POT1: variants seen among roughly 807,000 people sequenced by gnomAD.
The protein encoded by POT1 is protection of telomeres 1, also known as protection of telomeres protein 1.
In POT1, 47 loss-of-function variants were observed where a neutral mutation model predicts 78.5. The ratio of observed to expected loss-of-function variants is 0.60; its 90% CI spans 0.47 to 0.76. POT1 has a LOEUF of 0.76. POT1 is among the 30% of genes least tolerant of loss of function. POT1 has a pLI of 0.00. For missense variants in POT1, 646 were observed against 749.9 expected (o/e 0.86, Z 1.62); for synonymous variants, 259 against 260.7 (o/e 0.99, Z 0.06).
At chr7:124,829,385 TTTAGC>T in intron 15 of POT1, 43 bp from the exon 16 acceptor site, 1 of 1,282,872 alleles carries the variant, frequency 7.8e-7, no homozygotes. Flanking sequence ...TTAAAAATAA[TTTAGC>T]TTGTTTGTTA....
At chr7:124,846,609 C>T (rs1795174166) in intron 12 of POT1, among the ~76,000 whole-genome samples, 1 of 147,264 alleles carries the variant, frequency 6.8e-6, no homozygotes, top group African/African-American at 2.5e-5. Flanking sequence ...AGATATGTGT[C>T]TTTACATTGC....
chr7:124,883,772 A>G lies in POT1; in HGVS notation c.124+8494T>C, dbSNP rs138040182. 5.0e-3 allele frequency among the ~76,000 whole-genome samples: 760 copies of G among 152,020 alleles called. 8 individuals are homozygous for G. The highest frequency in any genetic ancestry group is 0.017 in the African/African-American group (697 of 41,492). ...TGTCATCACATGTGTATGACTGCAA[A>G]AGGCTTTTTTGTTTTAAAATGCCAA... On this transcript the variant is annotated intron_variant, in intron 6 of 18. Coordinates refer to ENST00000357628, the MANE Select transcript of POT1 (RefSeq NM_015450.3).
intron 3 of POT1, chr7:124,900,921 G>A: frequency 3.9e-6 from 1 of 257,356 alleles, no homozygotes; most frequent in Non-Finnish European, 8.7e-6. Context: ...GTCCCAGATT[G>A]AACTGTGAGG....
intron 14 of POT1, among the ~76,000 whole-genome samples, chr7:124,839,624 C>T (rs10257255): frequency 0.38 from 57,882 of 152,002 alleles, 11,348 homozygotes; most frequent in East Asian, 0.5. Flanking sequence ...ATAAAAATAG[C>T]TCACATTTCT....
rs141172365 is a variant in POT1 at position 124,871,548 on chromosome 7, T to C, written c.125-507A>G. The stretch of plus-strand genomic sequence containing the variant: ...AAACAATACATAGAAAACTATGTCA[T>C]AACAAAAACTCAAAAGAGAAAATGG... On this transcript the variant is annotated intron_variant, in intron 6 of 18. Transcript: ENST00000357628. Among the ~76,000 whole-genome samples the C allele has an allele frequency of 4.0e-3, 608 of 152,142 alleles. 6 individuals carry two copies. The highest frequency in any genetic ancestry group is 0.012 in the African/African-American group (508 of 41,554).
intron 3 of POT1, among the ~76,000 whole-genome samples, chr7:124,909,677 G>A (rs186503974): frequency 1.5e-3 from 226 of 151,966 alleles, no homozygotes; most frequent in African/African-American, 5.3e-3. Context: ...ATTAACTAGT[G>A]TAGTTCTATT....
At chr7:124,853,661 G>A (rs1795371939) in intron 9 of POT1, 1 of 152,072 alleles carries the variant, frequency 6.6e-6, no homozygotes, top group East Asian at 1.9e-4. Context: ...CAAGTTCTAT[G>A]GAAAGAAAAC....
intron 14 of POT1, 158 bp downstream of exon 14, chr7:124,840,815 T>G (rs3213667): frequency 1.3e-4 from 67 of 525,644 alleles, no homozygotes; most frequent in Non-Finnish European, 2.0e-4. Flanking sequence ...CTTATATATA[T>G]TTGAACCTAG....
chr7:124,849,712 G>A (rs1795257854), intron 11 of POT1, among the ~76,000 whole-genome samples: 2 of 152,104 alleles, frequency 1.3e-5, no homozygotes, highest in South Asian at 4.1e-4. Flanking sequence ...AACTGGTAAC[G>A]ATCTCAACAT....
intron 2 of POT1, among the ~76,000 whole-genome samples, chr7:124,922,437 A>C (rs984412706): frequency 6.6e-6 from 1 of 152,064 alleles, no homozygotes; most frequent in Non-Finnish European, 1.5e-5. Context: ...ATACATGTAC[A>C]TGTAAAAGAT....
At position 124,852,985 on chromosome 7, in the gene POT1, C is replaced by G. The variant is rs1460322063; in HGVS notation, c.856G>C (p.Asp286His). ...RVLPESNSDV[D>H]QLKKDLESAN... Reference sequence around the variant, plus strand: ...CTAAAAGCTTACTTTTTCAGTTGATCCACATCAGAGTTACTTTCTGGCAAG... The same window carrying G: ...CTAAAAGCTTACTTTTTCAGTTGATGCACATCAGAGTTACTTTCTGGCAAG... The change falls in exon 10 of 19, where the codon GAT becomes CAT. Residue 286 changes from aspartate (D) to histidine (H), a missense_variant. Asp to His is a moderately conservative substitution (Grantham distance 81). Transcript: ENST00000357628. 1 of 1,610,556 alleles carries G rather than the reference C, an allele frequency of 6.2e-7. No individual in the cohort carries two copies. The highest frequency in any genetic ancestry group is 2.2e-5 in the East Asian group (1 of 44,798).
In POT1 at chr7:124,853,149, G is replaced by T; in HGVS notation, c.703-11C>A. 1 of 1,538,642 alleles carries T rather than the reference G, an allele frequency of 6.5e-7. No individual in the cohort carries two copies. On this transcript the variant is annotated splice_polypyrimidine_tract_variant and intron_variant, in intron 9 of 18. Transcript: ENST00000357628. ...AAGAAAGCTTCCAACCTAAAAAATA[G>T]ATCATTTGTTATTTAGAAAGTGGGG...
rs201066236 is a variant in POT1 at position 124,898,103 on chromosome 7, G to GA, written c.-40+157dup. ...CTTGTCATTCGAAAAATAAAACCAA[G>GA]AAAAAAAAACTTCTATTTTTTAAAC... is the stretch of plus-strand genomic sequence containing the variant. On this transcript the variant is annotated intron_variant, in intron 4 of 18. Transcript: ENST00000357628. Among the ~76,000 whole-genome samples, 1,684 of 150,068 alleles carry GA rather than the reference G, an allele frequency of 0.011. 13 individuals carry two copies. The highest frequency in any genetic ancestry group is 0.018 in the Non-Finnish European group (1,204 of 67,276).
intron 12 of POT1, among the ~76,000 whole-genome samples, chr7:124,845,689 A>G (rs963192673): frequency 2.0e-5 from 3 of 152,070 alleles, no homozygotes; most frequent in Non-Finnish European, 4.4e-5. Context: ...TAACTCAACA[A>G]TGACTATCAT....
At chr7:124,848,637 T>A (rs972520988) in intron 11 of POT1, 1 of 184,770 alleles carries the variant, frequency 5.4e-6, no homozygotes, top group African/African-American at 2.8e-5. Context: ...AACTCCAGCC[T>A]GGAGGACGAA....
At chr7:124,834,412 C>T (rs1266408301) in intron 15 of POT1, among the ~76,000 whole-genome samples, 1 of 151,998 alleles carries the variant, frequency 6.6e-6, no homozygotes, top group South Asian at 2.1e-4. Context: ...AAAAAAACAA[C>T]CCCATCAAAA....
chr7:124,918,347 G>T (rs1367201273), intron 2 of POT1, among the ~76,000 whole-genome samples: 2 of 152,118 alleles, frequency 1.3e-5, no homozygotes, highest in African/African-American at 4.8e-5. Flanking sequence ...CTTCCTAGAG[G>T]GGGGACCAAC....
chr7:124,836,544 T>C (rs1351614463), intron 14 of POT1, among the ~76,000 whole-genome samples: 1 of 152,186 alleles, frequency 6.6e-6, no homozygotes, highest in African/African-American at 2.4e-5. Context: ...AAAACTGCAA[T>C]AGGTGACCAT....
chr7:124,905,330 A>G (rs996884035), intron 3 of POT1, among the ~76,000 whole-genome samples: 9 of 152,180 alleles, frequency 5.9e-5, no homozygotes, highest in Admixed American at 5.9e-4. Flanking sequence ...AATACCACAC[A>G]TCTACAACCA....
Sources: allele counts gnomAD v4.1 joint callset (sites outside exome capture counted in the v4.1 genomes callset), GRCh38; gene constraint gnomAD v4.1.1; transcripts MANE v1.5; gene names NCBI Gene and HGNC (gene_info 2026-07-23, HGNC 2026-07-21).